RALGAPB: variants seen among roughly 807,000 people sequenced by gnomAD.
RALGAPB encodes the protein ral GTPase-activating protein subunit beta.
In RALGAPB, 25 loss-of-function variants were observed where a neutral mutation model predicts 161.1. That is an observed-to-expected ratio of 0.16 (90% CI 0.11 to 0.22). The LOEUF is 0.22. Ranked by LOEUF, RALGAPB falls within the 10% of genes least tolerant of loss-of-function variation. The pLI is 1.00. For synonymous variants in RALGAPB, 629 were observed against 626.1 expected, an observed-to-expected ratio of 1.00 and a Z score of -0.07; for missense variants, 1,391 against 1,815.2, an observed-to-expected ratio of 0.77 and a Z score of 4.25.
chr20:38,504,221 G>A (rs946623332), intron 5 of RALGAPB, among the ~76,000 whole-genome samples: 2 of 152,146 alleles, frequency 1.3e-5, no homozygotes, highest in Non-Finnish European at 2.9e-5. Flanking sequence ...CATGGTACTG[G>A]TACAAAAACA....
intron 1 of RALGAPB, among the ~76,000 whole-genome samples, chr20:38,488,056 G>A (rs1029265770): frequency 6.6e-6 from 1 of 151,396 alleles, no homozygotes; most frequent in Admixed American, 6.6e-5. Flanking sequence ...GCAAAACTTC[G>A]TCTCAAAAAA....
At chr20:38,501,103 C>T (rs149861419) in intron 5 of RALGAPB, among the ~76,000 whole-genome samples, 79 of 152,244 alleles carry the variant, frequency 5.2e-4, no homozygotes, top group East Asian at 3.5e-3. Context: ...AGATCATTGA[C>T]GAAGGTGGCC....
rs550468798 is a variant in RALGAPB, at chr20:38,509,194, T to C, written c.858T>C (p.Phe286=). Residue 286 remains phenylalanine (F), a synonymous_variant, in exon 6 of 30, where the codon TTT becomes TTC. Coordinates refer to ENST00000262879, the MANE Select transcript of RALGAPB (RefSeq NM_020336.4). ...GTGTTGCACAGACATGGTTTCGCTT[T>C]TTACACATGTTAAGGTATTGTTATT... The part of the protein sequence containing the change: ...NECVAQTWFR[F]LHMLSNPVDL... 1 of 1,613,654 alleles carries C rather than the reference T, an allele frequency of 6.2e-7. No homozygotes were observed. The highest frequency in any genetic ancestry group is 1.3e-5 in the African/African-American group (1 of 75,056).
intron 5 of RALGAPB, among the ~76,000 whole-genome samples, chr20:38,508,707 T>C (rs1469124807): frequency 6.6e-6 from 1 of 152,198 alleles, no homozygotes; most frequent in Non-Finnish European, 1.5e-5. Flanking sequence ...CAACAGCATA[T>C]ACTCTTCTTC....
Position 38,575,078 on chromosome 20 carries a change from C to T in RALGAPB, c.*111C>T, listed in dbSNP as rs1482715641. On this transcript the variant is annotated 3_prime_UTR_variant, in exon 30 of 30. Transcript: ENST00000262879. ...AAAACAAATCACTCCCAAGAGCTTA[C>T]TGTTTAATCACCAGAATAGAAGAAA... 1.1e-6 allele frequency: 1 copy of T among 921,968 alleles called. No individual in the cohort carries two copies. Among genetic ancestry groups the T allele is most frequent in the East Asian group, 2.5e-5 (1 of 39,880 alleles). 57.1% of individuals were successfully genotyped at this position (921,968 alleles called of 1,614,324 possible). A position where few individuals can be genotyped will look rare whatever the true frequency, so the allele number is the denominator to read the frequency against.
At chr20:38,546,617 T>C in intron 19 of RALGAPB, 187 bp downstream of exon 19, 5 of 676,620 alleles carry the variant, frequency 7.4e-6, no homozygotes, top group South Asian at 6.0e-5. Context: ...TTACATAGAG[T>C]CTTTTAAAGG....
Position 38,575,078 on chromosome 20 carries a change from C to G in RALGAPB, c.*111C>G, listed in dbSNP as rs1482715641. On this transcript the variant is annotated 3_prime_UTR_variant, in exon 30 of 30. Transcript: ENST00000262879. The stretch of plus-strand genomic sequence containing the variant: ...AAAACAAATCACTCCCAAGAGCTTA[C>G]TGTTTAATCACCAGAATAGAAGAAA... 2.2e-6 allele frequency: 2 copies of G among 921,968 alleles called. No individual in the cohort carries two copies. Among genetic ancestry groups the G allele is most frequent in the Non-Finnish European group, 3.3e-6 (2 of 601,758 alleles). The allele number at this position is 921,968 out of a possible 1,614,324, so 57.1% of individuals were successfully genotyped here.
In RALGAPB at chr20:38,569,932, T is replaced by G. The variant is rs1363541727; in HGVS notation, c.3999T>G (p.Pro1333=). The G allele has an allele frequency of 1.9e-6, 3 of 1,613,626 alleles. No homozygotes were observed. In the African/African-American group the frequency reaches 4.0e-5, roughly 22 times the overall value. Residue 1333 remains proline, a synonymous_variant, in exon 27 of 30, where the codon CCT becomes CCG. Transcript: ENST00000262879. ...TGAGGAAGCTGCCTCAGGGTCGCCCTGTTCCTCCCCTTGGACCTGAGACAA... is the reference window on the plus strand; with the variant it reads ...TGAGGAAGCTGCCTCAGGGTCGCCCGGTTCCTCCCCTTGGACCTGAGACAA... ...SRMRKLPQGR[P]VPPLGPETRV...
chr20:38,478,870 C>T (rs964294491), intron 1 of RALGAPB, among the ~76,000 whole-genome samples: 14 of 152,194 alleles, frequency 9.2e-5, no homozygotes, highest in African/African-American at 3.1e-4. Context: ...CCTACCTCGG[C>T]CTCCCAAAGT....
At chr20:38,488,326 T>C in intron 1 of RALGAPB, 77 bp from the exon 2 acceptor site, 1 of 915,910 alleles carries the variant, frequency 1.1e-6, no homozygotes, top group Non-Finnish European at 1.7e-6. Flanking sequence ...ATGCCAATAG[T>C]CTATACATCT....
chr20:38,525,035 C>T, intron 11 of RALGAPB, 90 bp downstream of exon 11: 1 of 1,273,736 alleles, frequency 7.9e-7, no homozygotes, highest in Non-Finnish European at 1.1e-6. Context: ...GTATCCTGTC[C>T]AGTTGTCTTC....
intron 25 of RALGAPB, among the ~76,000 whole-genome samples, chr20:38,566,587 A>G (rs1414625594): frequency 1.3e-5 from 2 of 152,120 alleles, no homozygotes; most frequent in African/African-American, 2.4e-5. Context: ...GATGGGGTGG[A>G]GGATAACTTT....
chr20:38,492,932 A>G lies in RALGAPB; in HGVS notation c.189A>G (p.Val63=). ...SENLLKTDKE[V]KWTMEVICYG... Reference sequence around the variant, plus strand: ...TATGGATATTTTCTTTTGTCTAGGTAAAATGGACCATGGAAGTAATTTGCT... The same window carrying G: ...TATGGATATTTTCTTTTGTCTAGGTGAAATGGACCATGGAAGTAATTTGCT... The change falls in exon 3 of 30, where the codon GTA becomes GTG. Residue 63 remains valine, a splice_region_variant and synonymous_variant. Coordinates refer to ENST00000262879, the MANE Select transcript of RALGAPB (RefSeq NM_020336.4). 2.5e-6 allele frequency: 4 copies of G among 1,601,474 alleles called. No homozygotes were observed. In the Middle Eastern group the frequency reaches 6.6e-4, roughly 265 times the overall value.
chr20:38,563,873 C>T (rs2087885352), intron 24 of RALGAPB, among the ~76,000 whole-genome samples: 1 of 152,184 alleles, frequency 6.6e-6, no homozygotes, highest in Non-Finnish European at 1.5e-5. Flanking sequence ...TTGTCCCCAG[C>T]CTGGCTTCTC....
chr20:38,528,664 TG>T (rs2086548568), intron 13 of RALGAPB, among the ~76,000 whole-genome samples: 1 of 152,044 alleles, frequency 6.6e-6, no homozygotes, highest in Admixed American at 6.6e-5. Context: ...CCACTGTGCC[TG>T]GCCCACATTT....
In RALGAPB at chr20:38,505,653, G is replaced by A. The variant is rs373037851; in HGVS notation, c.741-3424G>A. ...ATATTAATATTTTTAAATTAAGGAT[G>A]TGCATTGATTTTTAAACATATAATC... On this transcript the variant is annotated intron_variant, in intron 5 of 29. Coordinates refer to ENST00000262879, the MANE Select transcript of RALGAPB (RefSeq NM_020336.4). Among the ~76,000 whole-genome samples, 2 of 152,276 alleles carry A rather than the reference G, an allele frequency of 1.3e-5. 1 individual carries two copies. Among genetic ancestry groups the A allele is most frequent in the South Asian group, 4.1e-4 (2 of 4,824 alleles).
At position 38,499,622 on chromosome 20, in the gene RALGAPB, A is replaced by C. The variant is rs1453253322; in HGVS notation, c.729A>C (p.Ala243=). ...VVEQWSKVIC[A]LTSRLLRFTY... ...AGCAGTGGAGCAAGGTCATTTGTGC[A>C]CTCACTTCCAGGTAGGTTATTGTCA... Residue 243 remains alanine, a synonymous_variant, in exon 5 of 30, where the codon GCA becomes GCC. Transcript: ENST00000262879. The C allele has an allele frequency of 6.2e-7, 1 of 1,610,736 alleles. No homozygotes were observed.
Position 38,509,135 on chromosome 20 carries a change from G to T in RALGAPB, c.799G>T (p.Ala267Ser). The change falls in exon 6 of 30, where the codon GCC becomes TCC. Residue 267 changes from alanine (A) to serine (S), a missense_variant. Ala to Ser is a moderately conservative substitution (Grantham distance 99). This residue lies in a region of RALGAPB where 946 missense variants were observed against 1,257.2 expected (regional missense o/e 0.75). Coordinates refer to ENST00000262879, the MANE Select transcript of RALGAPB (RefSeq NM_020336.4). The part of the protein sequence containing the change: ...FPAFKVPDED[A>S]SLIPPEMDNE... ...TGCATTTAAAGTTCCCGATGAAGAT[G>T]CCAGTCTGATCCCTCCAGAAATGGA... is the stretch of plus-strand genomic sequence containing the variant. The T allele has an allele frequency of 6.2e-7, 1 of 1,613,442 alleles. No individual in the cohort carries two copies. The highest frequency in any genetic ancestry group is 1.7e-5 in the Admixed American group (1 of 60,024).
chr20:38,491,631 G>A (rs1030091872), intron 2 of RALGAPB, among the ~76,000 whole-genome samples: 3 of 152,218 alleles, frequency 2.0e-5, no homozygotes, highest in Non-Finnish European at 4.4e-5. Context: ...CAGGGTTCAA[G>A]TTTTCAGCTC....
Sources: allele counts gnomAD v4.1 joint callset (sites outside exome capture counted in the v4.1 genomes callset), GRCh38; gene constraint gnomAD v4.1.1; regional missense constraint gnomAD v4.1.1; transcripts MANE v1.5; gene names NCBI Gene and HGNC (gene_info 2026-07-23, HGNC 2026-07-21).